The following EED variants were observed in gnomAD, a reference collection of about 807,000 sequenced individuals.
The protein encoded by EED is polycomb protein EED.
In EED, 9 loss-of-function variants were observed where a neutral mutation model predicts 61.0. The observed-to-expected ratio is 0.15, with a 90% CI of 0.09 to 0.26. The LOEUF is 0.26. Ranked by LOEUF, EED falls within the 10% of genes least tolerant of loss-of-function variation. EED has a pLI of 1.00. For missense variants in EED, 315 were observed against 542.3 expected (o/e 0.58, Z 4.16); for synonymous variants, 187 against 174.4 (o/e 1.07, Z -0.57).
chr11:86,256,328 A>C, intron 4 of EED, 59 bp from the exon 5 acceptor site: 4 of 1,430,740 alleles, frequency 2.8e-6, no homozygotes, highest in Non-Finnish European at 3.7e-6. Flanking sequence ...TTTCTATTAT[A>C]ATTATTGACA....
chr11:86,278,331 G>T (rs751660175), intron 11 of EED, 68 bp from the exon 12 acceptor site: 5 of 1,535,796 alleles, frequency 3.3e-6, no homozygotes, highest in South Asian at 1.3e-5. Context: ...TTTCTAATCC[G>T]CTGTTTTAGG....
chr11:86,286,197 ATTTT>A, the EED span, among the ~76,000 whole-genome samples: 3 of 143,994 alleles, frequency 2.1e-5, no homozygotes, highest in Admixed American at 2.1e-4. Flanking sequence ...CAGCCAGCTA[ATTTT>A]TTTTTTTTTT....
the EED span, among the ~76,000 whole-genome samples, chr11:86,286,358 G>C: frequency 2.0e-5 from 3 of 152,096 alleles, no homozygotes; most frequent in African/African-American, 4.8e-5. Context: ...CAAATAGGAT[G>C]AAGTCTTGGG....
rs887028278 is a variant in EED, at chr11:86,244,980, G to T, written c.-250G>T. ...AGGGCGGCGGGAAAAGGGCAAGACGGGAGTTGGGGAAGGGAAGGAGCCAGG... is the reference window on the plus strand; with the variant it reads ...AGGGCGGCGGGAAAAGGGCAAGACGTGAGTTGGGGAAGGGAAGGAGCCAGG... On this transcript the variant is annotated 5_prime_UTR_variant, in exon 1 of 12. Transcript: ENST00000263360. The T allele has an allele frequency of 1.6e-5, 7 of 434,080 alleles. No homozygotes were observed. The highest frequency in any genetic ancestry group is 2.1e-5 in the Non-Finnish European group (5 of 243,462). 26.9% of individuals were successfully genotyped at this position (434,080 alleles called of 1,614,324 possible).
intron 9 of EED, among the ~76,000 whole-genome samples, chr11:86,269,724 A>G (rs1235819959): frequency 2.0e-5 from 3 of 152,164 alleles, no homozygotes; most frequent in Non-Finnish European, 4.4e-5. Flanking sequence ...ATGTCATTTT[A>G]TCACGTGAAT....
At chr11:86,279,301 A>G (rs1378743590), downstream of EED, among the ~76,000 whole-genome samples, 1 of 152,330 alleles carries the variant, frequency 6.6e-6, no homozygotes, top group East Asian at 1.9e-4. Flanking sequence ...AGGAGAGGAT[A>G]TAGAAGTTTA....
chr11:86,248,469 AGG>A (rs972222285), intron 1 of EED, among the ~76,000 whole-genome samples: 8 of 152,244 alleles, frequency 5.3e-5, no homozygotes, highest in Non-Finnish European at 1.0e-4. Context: ...TAGTGTTAAA[AGG>A]TAATTTTACA....
chr11:86,277,170 C>T, intron 10 of EED, 32 bp downstream of exon 10: 2 of 1,530,790 alleles, frequency 1.3e-6, no homozygotes, highest in Non-Finnish European at 8.9e-7. Context: ...TTGAAATGAT[C>T]TGACTTATGA....
the EED span, among the ~76,000 whole-genome samples, chr11:86,286,241 A>G: frequency 1.3e-5 from 2 of 150,372 alleles, no homozygotes; most frequent in Admixed American, 6.6e-5. Flanking sequence ...GGGTTTCGCC[A>G]TGTTGGCCAG....
chr11:86,250,411 A>G lies in EED; in HGVS notation c.230A>G (p.Lys77Arg). 1 of 1,608,244 alleles carries G rather than the reference A, an allele frequency of 6.2e-7. No individual in the cohort carries two copies. Among genetic ancestry groups the G allele is most frequent in the Non-Finnish European group, 8.5e-7 (1 of 1,177,554 alleles). The part of the protein sequence containing the change: ...SWGKGKWKSK[K>R]CKYSFKCVNS... Reference sequence around the variant, plus strand: ...GGAAAGGGAAAATGGAAGTCAAAGAAATGCAAATATTCTTTCAAATGTGTA... The same window carrying G: ...GGAAAGGGAAAATGGAAGTCAAAGAGATGCAAATATTCTTTCAAATGTGTA... The change falls in exon 2 of 12, where the codon AAA becomes AGA. Residue 77 changes from lysine to arginine, a missense_variant. Lys to Arg is a conservative substitution (Grantham distance 26, BLOSUM62 2). Coordinates refer to ENST00000263360, the MANE Select transcript of EED (RefSeq NM_003797.5).
At position 86,277,988 on chromosome 11, in the gene EED, C is replaced by T. The variant is rs750950743; in HGVS notation, c.1196C>T (p.Ala399Val). The change falls in exon 11 of 12, where the codon GCC (alanine) becomes GTC (valine). Residue 399 changes from alanine to valine, a missense_variant. Ala to Val is a moderately conservative substitution (Grantham distance 64). Coordinates refer to ENST00000263360, the MANE Select transcript of EED (RefSeq NM_003797.5). ...TTAGAAGTAGAAGATCCTCATAAAG[C>T]CAAGTAAGTATTTAGAAATTTCTGT... ...WDLEVEDPHKAKCTTLTHHKC... is the reference protein window; with the variant it reads ...WDLEVEDPHKVKCTTLTHHKC... The T allele has an allele frequency of 1.3e-6, 2 of 1,531,214 alleles. No individual in the cohort carries two copies. Among genetic ancestry groups the T allele is most frequent in the African/African-American group, 2.9e-5 (2 of 69,740 alleles). The allele number at this position is 1,531,214 out of a possible 1,614,324, so 94.9% of individuals were successfully genotyped here.
At chr11:86,263,787 T>G (rs1945903797) in intron 6 of EED, among the ~76,000 whole-genome samples, 2 of 152,178 alleles carry the variant, frequency 1.3e-5, no homozygotes, top group South Asian at 2.1e-4. Flanking sequence ...CTGAATCGTC[T>G]CAGCAAAAGG....
At chr11:86,283,399 T>C (rs1234088817), downstream of EED, among the ~76,000 whole-genome samples, 1 of 152,262 alleles carries the variant, frequency 6.6e-6, no homozygotes, top group Non-Finnish European at 1.5e-5. Flanking sequence ...CTTGTTTTGT[T>C]ACTCTCCATT....
intron 1 of EED, among the ~76,000 whole-genome samples, chr11:86,246,308 T>C (rs1168391222): frequency 1.3e-5 from 2 of 152,276 alleles, no homozygotes; most frequent in Admixed American, 6.5e-5. Context: ...AATGTGATTC[T>C]CCTTCTCATG....
At chr11:86,247,059 G>A (rs1490804219) in intron 1 of EED, among the ~76,000 whole-genome samples, 14 of 152,038 alleles carry the variant, frequency 9.2e-5, no homozygotes, top group Admixed American at 9.2e-4. Context: ...TAATAATCAG[G>A]CAAAATATAA....
At chr11:86,267,926 T>C (rs1946022074) in intron 8 of EED, 1 of 152,096 alleles carries the variant, frequency 6.6e-6, no homozygotes, top group Non-Finnish European at 1.5e-5. Context: ...TTTAAATTCC[T>C]GTAAGGCATC....
At chr11:86,253,219 T>C (rs1017959992) in intron 3 of EED, among the ~76,000 whole-genome samples, 1 of 152,220 alleles carries the variant, frequency 6.6e-6, no homozygotes, top group Non-Finnish European at 1.5e-5. Context: ...TTTAAGATAA[T>C]GTAGTCTGCT....
chr11:86,279,824 G>T (rs1323475350), downstream of EED, among the ~76,000 whole-genome samples: 1 of 152,074 alleles, frequency 6.6e-6, no homozygotes, highest in African/African-American at 2.4e-5. Flanking sequence ...TTACTGTCTT[G>T]GTCCAATGAA....
At chr11:86,250,026 C>T (rs1008499006) in intron 1 of EED, among the ~76,000 whole-genome samples, 18 of 152,218 alleles carry the variant, frequency 1.2e-4, no homozygotes, top group African/African-American at 4.3e-4. Context: ...GTGACTGGAA[C>T]AGACCAGTGC....
Sources: allele counts gnomAD v4.1 joint callset (sites outside exome capture counted in the v4.1 genomes callset), GRCh38; gene constraint gnomAD v4.1.1; transcripts MANE v1.5; gene names NCBI Gene and HGNC (gene_info 2026-07-23, HGNC 2026-07-21).